Variants in CFAP20DC observed in about 807,000 individuals in gnomAD.
CFAP20DC encodes the protein protein CFAP20DC.
A neutral mutation model predicts 101.7 loss-of-function variants in CFAP20DC; 84 were observed. The observed-to-expected ratio is 0.83, with a 90% confidence interval of 0.69 to 0.99. The LOEUF is 0.99. CFAP20DC is among the 50% of genes least tolerant of loss of function. The pLI is 0.00. For synonymous variants in CFAP20DC, 359 were observed against 351.2 expected (o/e 1.02, Z -0.25); for missense variants, 1,007 against 970.3 (o/e 1.04, Z -0.50).
At chr3:59,017,884 G>A (rs150496320) in intron 4 of CFAP20DC, 6 of 152,196 alleles carry the variant, frequency 3.9e-5, no homozygotes, top group Admixed American at 1.3e-4. Context: ...GCCATCTGGT[G>A]TCAGCTCTGT....
In CFAP20DC at chr3:58,859,851, G is replaced by A. The variant is rs151184342; in HGVS notation, c.1593+3707C>T. On this transcript the variant is annotated intron_variant, in intron 12 of 16. Transcript: ENST00000482387. This position sits in a 1 kb window ranked among gnomAD's most constrained non-coding sequence, Gnocchi z 4.1. ...TGTCAACTAAATATTCCTTTCCACCGTGTGTATGTAAGTGTGTGTGAGAAA... is the reference window on the plus strand; with the variant it reads ...TGTCAACTAAATATTCCTTTCCACCATGTGTATGTAAGTGTGTGTGAGAAA... Among the ~76,000 whole-genome samples the A allele has an allele frequency of 3.0e-3, 460 of 152,132 alleles. 6 individuals are homozygous for A. The highest frequency in any genetic ancestry group is 0.011 in the African/African-American group (441 of 41,514).
chr3:58,939,576 A>G (rs1201122773), intron 4 of CFAP20DC, among the ~76,000 whole-genome samples: 5 of 151,562 alleles, frequency 3.3e-5, no homozygotes, highest in African/African-American at 1.2e-4. Flanking sequence ...CTCCTGCCTC[A>G]GTCTCCCGAG....
At chr3:58,950,365 C>A (rs1304426145) in intron 4 of CFAP20DC, among the ~76,000 whole-genome samples, 1 of 152,156 alleles carries the variant, frequency 6.6e-6, no homozygotes, top group Non-Finnish European at 1.5e-5. Flanking sequence ...AATGCCAACC[C>A]CATCAAGCTA....
rs772549901 is a variant in CFAP20DC at position 58,867,948 on chromosome 3, T to A, written c.1016-12A>T. On this transcript the variant is annotated splice_polypyrimidine_tract_variant and intron_variant, in intron 9 of 16. Transcript: ENST00000482387. ...ATGTAGATTGGCTGCTACATTTTCA[T>A]ATCAAAGCACAAAAGCCAGAACAGA... 6.3e-7 allele frequency: 1 copy of A among 1,598,128 alleles called. No individual in the cohort carries two copies. Among genetic ancestry groups the A allele is most frequent in the South Asian group, 1.1e-5 (1 of 87,824 alleles).
intron 4 of CFAP20DC, among the ~76,000 whole-genome samples, chr3:58,991,974 C>T (rs2092954151): frequency 1.3e-5 from 2 of 152,322 alleles, no homozygotes; most frequent in South Asian, 4.1e-4. Flanking sequence ...ATTATTACTG[C>T]TGCTAAACAC....
intron 14 of CFAP20DC, among the ~76,000 whole-genome samples, chr3:58,816,969 T>G (rs982713579): frequency 2.6e-5 from 4 of 152,192 alleles, no homozygotes; most frequent in African/African-American, 9.6e-5. Flanking sequence ...CCTCCTCAAG[T>G]GGGTCCCTGG....
rs1014888860 is a variant in CFAP20DC at position 58,742,335 on chromosome 3, G to C, written c.*125C>G. 6 of 1,274,190 alleles carry C rather than the reference G, an allele frequency of 4.7e-6. No homozygotes were observed. In the East Asian group the frequency reaches 1.8e-4, roughly 39 times the overall value. 78.9% of individuals were successfully genotyped at this position (1,274,190 alleles called of 1,614,324 possible). A position where few individuals can be genotyped will look rare whatever the true frequency, so the allele number is the denominator to read the frequency against. On this transcript the variant is annotated 3_prime_UTR_variant, in exon 17 of 17. Coordinates refer to ENST00000482387, the MANE Select transcript of CFAP20DC (RefSeq NM_001394063.1). ...TGAACATTATTTACAAAATGAATTC[G>C]TTTCTCTCAGTTACTGTTGATTTTG...
Position 58,849,343 on chromosome 3 carries a change from A to G in CFAP20DC, c.1660T>C (p.Leu554=). The change falls in exon 13 of 17, where the codon TTA becomes CTA. Residue 554 remains leucine (L), a synonymous_variant. Transcript: ENST00000482387. Reference sequence around the variant, plus strand: ...GCAGCCTTCCCCAGCAGGCTCTCTAATGTTAACTGAGTTAACTCTGAAGGA... The same window carrying G: ...GCAGCCTTCCCCAGCAGGCTCTCTAGTGTTAACTGAGTTAACTCTGAAGGA... ...TGPSELTQLT[L]ESLLGKAAKR... is the part of the protein sequence containing the mutation. 4 of 1,536,014 alleles carry G rather than the reference A, an allele frequency of 2.6e-6. No homozygotes were observed. Among genetic ancestry groups the G allele is most frequent in the Non-Finnish European group, 3.5e-6 (4 of 1,146,782 alleles).
intron 14 of CFAP20DC, among the ~76,000 whole-genome samples, chr3:58,825,739 A>G (rs891465490): frequency 3.9e-5 from 6 of 152,196 alleles, no homozygotes; most frequent in African/African-American, 1.4e-4. Flanking sequence ...CCTGGTTTCC[A>G]CAGAAGTTGT....
chr3:58,936,956 CAA>C (rs35351829), intron 5 of CFAP20DC, among the ~76,000 whole-genome samples: 3 of 140,206 alleles, frequency 2.1e-5, no homozygotes, highest in African/African-American at 5.4e-5. Context: ...AAATTTAAGC[CAA>C]AAAAAAAAAA....
chr3:58,984,210 G>A (rs2092679142), intron 4 of CFAP20DC, among the ~76,000 whole-genome samples: 2 of 152,138 alleles, frequency 1.3e-5, no homozygotes, highest in African/African-American at 4.8e-5. Flanking sequence ...TTCTTTTGAA[G>A]TGCCCAAGAG....
intron 4 of CFAP20DC, among the ~76,000 whole-genome samples, chr3:59,027,581 A>G (rs1456163248): frequency 6.6e-6 from 1 of 152,266 alleles, no homozygotes; most frequent in African/African-American, 2.4e-5. Context: ...TAATGACAAA[A>G]TCAGGATAGA....
In CFAP20DC at chr3:59,039,208, T is replaced by C. The variant is rs566352743; in HGVS notation, c.278+349A>G. Among the ~76,000 whole-genome samples, 77 of 152,188 alleles carry C rather than the reference T, an allele frequency of 5.1e-4. 1 individual carries two copies. The highest frequency in any genetic ancestry group is 1.8e-3 in the African/African-American group (76 of 41,552). On this transcript the variant is annotated intron_variant, in intron 4 of 16. Transcript: ENST00000482387. ...AATCAATTTTTGACCAACCATAGTT[T>C]TGAATAGCAGACCGTACAAAACATA...
At chr3:59,049,132 C>G (rs1160137851) in intron 1 of CFAP20DC, among the ~76,000 whole-genome samples, 2 of 152,158 alleles carry the variant, frequency 1.3e-5, no homozygotes, top group African/African-American at 2.4e-5. Flanking sequence ...TCACTGACTC[C>G]CAGTTCTGTA....
rs1323211517 is a variant in CFAP20DC, at chr3:58,845,692, C to T, written c.1971+3340G>A. ...GCCAGCATCATCCTGATACCAAAGCCGGGCAGAGACACAACCAAAAAAGAG... is the reference window on the plus strand; with the variant it reads ...GCCAGCATCATCCTGATACCAAAGCTGGGCAGAGACACAACCAAAAAAGAG... On this transcript the variant is annotated intron_variant, in intron 13 of 16. Coordinates refer to ENST00000482387, the MANE Select transcript of CFAP20DC (RefSeq NM_001394063.1). Among the ~76,000 whole-genome samples, 420 of 151,746 alleles carry T rather than the reference C, an allele frequency of 2.8e-3. 4 individuals carry two copies. Among genetic ancestry groups the T allele is most frequent in the Admixed American group, 0.01 (153 of 15,200 alleles).
At chr3:58,847,183 AG>A (rs2077736066) in intron 13 of CFAP20DC, among the ~76,000 whole-genome samples, 1 of 129,722 alleles carries the variant, frequency 7.7e-6, no homozygotes, top group Non-Finnish European at 1.6e-5. Context: ...ATTAAACTAA[AG>A]AGCTTCTGCA....
intron 3 of CFAP20DC, among the ~76,000 whole-genome samples, chr3:58,719,335 T>C (rs2067438316): frequency 6.6e-6 from 1 of 152,192 alleles, no homozygotes; most frequent in African/African-American, 2.4e-5. Flanking sequence ...GCGTTCTAGT[T>C]AATCGAGGTC....
chr3:58,890,296 T>G (rs1397275295), intron 6 of CFAP20DC, among the ~76,000 whole-genome samples: 138 of 90,262 alleles, frequency 1.5e-3, no homozygotes, highest in Admixed American at 3.0e-3. Context: ...GGGGCGGCTG[T>G]CCGGGCGGGG....
intron 4 of CFAP20DC, among the ~76,000 whole-genome samples, chr3:58,985,210 G>C (rs943602644): frequency 1.4e-4 from 22 of 152,182 alleles, no homozygotes; most frequent in African/African-American, 5.3e-4. Context: ...TTACAGGTGT[G>C]AGCCACTGTG....
Sources: allele counts gnomAD v4.1 joint callset (sites outside exome capture counted in the v4.1 genomes callset), GRCh38; gene constraint gnomAD v4.1.1; non-coding constraint Gnocchi (gnomAD v3.1); transcripts MANE v1.5; gene names NCBI Gene and HGNC (gene_info 2026-07-23, HGNC 2026-07-21).